Variants in SPECC1 observed in about 807,000 individuals in gnomAD.
The protein encoded by SPECC1 is sperm antigen with calponin homology and coiled-coil domains 1.
In SPECC1, 62 loss-of-function variants were observed where a neutral mutation model predicts 104.1. That is an observed-to-expected ratio of 0.60 (90% CI 0.49 to 0.74). The LOEUF (loss-of-function observed/expected upper bound fraction) is 0.74, where lower values mean the gene tolerates loss of function less well. Ranked by LOEUF, SPECC1 falls within the 30% of genes least tolerant of loss-of-function variation. The pLI, the probability that SPECC1 is intolerant of heterozygous loss-of-function variation, is 0.00. For synonymous variants in SPECC1, 513 were observed against 501.6 expected (o/e 1.02, Z -0.30); for missense variants, 1,306 against 1,310.5 (o/e 1.00, Z 0.05).
intron 13 of SPECC1, chr17:20,305,820 A>C (rs2041743289): frequency 6.5e-6 from 3 of 460,492 alleles, no homozygotes; most frequent in Non-Finnish European, 1.1e-5. Flanking sequence ...ATAGGTGTCA[A>C]TCAGTAATGT....
chr17:20,047,673 C>T (rs2152458334), intron 1 of SPECC1, among the ~76,000 whole-genome samples: 1 of 152,090 alleles, frequency 6.6e-6, no homozygotes, highest in South Asian at 2.1e-4. Flanking sequence ...TCTCGGCTCA[C>T]TGCAAGCTCC....
chr17:20,130,888 G>C (rs1000668008), intron 3 of SPECC1, among the ~76,000 whole-genome samples: 1 of 151,992 alleles, frequency 6.6e-6, no homozygotes, highest in East Asian at 1.9e-4. Flanking sequence ...TTAGATCTTT[G>C]ATTTCTTTCA....
intron 14 of SPECC1, among the ~76,000 whole-genome samples, chr17:20,306,518 C>G (rs551326351): frequency 6.6e-6 from 1 of 152,356 alleles, no homozygotes; most frequent in Non-Finnish European, 1.5e-5. Flanking sequence ...GTGGGCCAAG[C>G]AAGCAGCAAG....
intron 1 of SPECC1, among the ~76,000 whole-genome samples, chr17:20,019,469 C>T (rs75660459): frequency 0.065 from 9,924 of 152,058 alleles, 357 homozygotes; most frequent in Non-Finnish European, 0.08. Flanking sequence ...TTGGAGAAAG[C>T]CATAGCATGG....
chr17:20,040,448 C>G (rs919754793), intron 1 of SPECC1, among the ~76,000 whole-genome samples: 4 of 152,090 alleles, frequency 2.6e-5, no homozygotes, highest in African/African-American at 9.7e-5. Flanking sequence ...TTTCTGGATT[C>G]CTTCTTTCAT....
At chr17:20,238,734 T>C in intron 7 of SPECC1, 1 of 1,043,150 alleles carries the variant, frequency 9.6e-7, no homozygotes, top group Non-Finnish European at 1.2e-6. Context: ...ATTCATTTGC[T>C]GGATGTTTTC....
In SPECC1 at chr17:20,247,434, T is replaced by A. The variant is rs1033563407; in HGVS notation, c.2598+115T>A. 8 of 647,756 alleles carry A rather than the reference T, an allele frequency of 1.2e-5. No individual in the cohort carries two copies. In the African/African-American group the frequency reaches 1.5e-4, roughly 12 times the overall value. 40.1% of individuals were successfully genotyped at this position (647,756 alleles called of 1,614,324 possible). The stretch of plus-strand genomic sequence containing the variant: ...TATGTGTGTGTGTAGAGTATGTGTT[T>A]TGTAAATTGGATTGCACTATGCATT... On this transcript the variant is annotated intron_variant, in intron 9 of 14. Transcript: ENST00000395527.
chr17:20,031,388 C>T (rs1288329584), intron 1 of SPECC1, among the ~76,000 whole-genome samples: 1 of 152,088 alleles, frequency 6.6e-6, no homozygotes, highest in East Asian at 1.9e-4. Flanking sequence ...GGCGCAATCT[C>T]AGCTCACTGC....
intron 1 of SPECC1, among the ~76,000 whole-genome samples, chr17:20,039,186 A>AG (rs2045221534): frequency 2.0e-5 from 3 of 152,202 alleles, no homozygotes; most frequent in Non-Finnish European, 1.5e-5. Flanking sequence ...GTAGGGTCTA[A>AG]GGATATGTTC....
chr17:20,146,713 T>C (rs577631870), intron 3 of SPECC1, among the ~76,000 whole-genome samples: 207 of 152,250 alleles, frequency 1.4e-3, no homozygotes, highest in Non-Finnish European at 2.7e-3. Flanking sequence ...AAGACCAGCC[T>C]GGCCAACATG....
rs116533754 is a variant in SPECC1 at position 20,301,057 on chromosome 17, A to G, written c.3057+3980A>G. Among the ~76,000 whole-genome samples, 364 of 152,242 alleles carry G rather than the reference A, an allele frequency of 2.4e-3. 4 individuals are homozygous for G. The highest frequency in any genetic ancestry group is 6.6e-3 in the African/African-American group (273 of 41,538). On this transcript the variant is annotated intron_variant, in intron 13 of 14. Transcript: ENST00000395527. ...CCTGGCCACACTCTGGAGGAGCCACAGTGGCTGCAGTGACATTTCGCCACT... is the reference window on the plus strand; with the variant it reads ...CCTGGCCACACTCTGGAGGAGCCACGGTGGCTGCAGTGACATTTCGCCACT...
At chr17:20,039,600 T>C (rs1251039628) in intron 1 of SPECC1, among the ~76,000 whole-genome samples, 1 of 152,152 alleles carries the variant, frequency 6.6e-6, no homozygotes, top group African/African-American at 2.4e-5. Flanking sequence ...CACTCTGTCG[T>C]TCAGGCTGGA....
intron 3 of SPECC1, among the ~76,000 whole-genome samples, chr17:20,133,468 C>CTTAG (rs1263662186): frequency 7.9e-5 from 12 of 151,970 alleles, no homozygotes; most frequent in Non-Finnish European, 1.5e-5. Context: ...ATCTACCTGC[C>CTTAG]TTAGTGTGGT....
chr17:20,169,420 C>T (rs2033915254), intron 3 of SPECC1, among the ~76,000 whole-genome samples: 1 of 152,058 alleles, frequency 6.6e-6, no homozygotes, highest in South Asian at 2.1e-4. Context: ...GCCTTTTGGG[C>T]ATTCACACAG....
intron 7 of SPECC1, among the ~76,000 whole-genome samples, chr17:20,240,881 A>G (rs190098116): frequency 1.3e-5 from 2 of 152,368 alleles, no homozygotes; most frequent in East Asian, 3.9e-4. Flanking sequence ...CCAGTCATGA[A>G]TTTACAAACG....
At chr17:20,221,677 T>G (rs2037884245) in intron 4 of SPECC1, among the ~76,000 whole-genome samples, 1 of 152,140 alleles carries the variant, frequency 6.6e-6, no homozygotes, top group African/African-American at 2.4e-5. Context: ...TATTGTTTCT[T>G]CTCATTTTGG....
intron 3 of SPECC1, among the ~76,000 whole-genome samples, chr17:20,120,937 T>G (rs1484269580): frequency 6.6e-6 from 1 of 152,194 alleles, no homozygotes; most frequent in African/African-American, 2.4e-5. Context: ...TTGCCATCTG[T>G]CATGGGTGGT....
At chr17:20,225,732 G>A (rs1196217063) in intron 4 of SPECC1, among the ~76,000 whole-genome samples, 1 of 152,126 alleles carries the variant, frequency 6.6e-6, no homozygotes, top group Admixed American at 6.5e-5. Flanking sequence ...CACTGTGATC[G>A]TTCATCTGAT....
chr17:20,240,542 C>G (rs778211358), intron 7 of SPECC1, among the ~76,000 whole-genome samples: 6 of 152,056 alleles, frequency 3.9e-5, no homozygotes, highest in African/African-American at 9.7e-5. Context: ...CTACTTGATG[C>G]ACACACATAT....
Sources: allele counts gnomAD v4.1 joint callset (sites outside exome capture counted in the v4.1 genomes callset), GRCh38; gene constraint gnomAD v4.1.1; transcripts MANE v1.5; gene names NCBI Gene and HGNC (gene_info 2026-07-23, HGNC 2026-07-21).